AGFG1: variants seen among roughly 807,000 people sequenced by gnomAD.
AGFG1 encodes the protein ArfGAP with FG repeats 1.
Under a neutral mutation model 60.6 loss-of-function variants are expected in AGFG1, and 10 were observed. That is an observed-to-expected ratio of 0.16 (90% CI 0.10 to 0.28). The LOEUF (loss-of-function observed/expected upper bound fraction) is 0.28, where lower values mean the gene tolerates loss of function less well. Among genes scored for constraint, AGFG1 ranks in the 10% least tolerant of loss-of-function variants. The pLI, the probability that AGFG1 is intolerant of heterozygous loss-of-function variation, is 1.00. For missense variants in AGFG1, 537 were observed against 676.5 expected (o/e 0.79, Z 2.29); for synonymous variants, 247 against 242.9 (o/e 1.02, Z -0.16).
chr2:227,536,588 A>G, intron 8 of AGFG1, 37 bp from the exon 9 acceptor site: 1 of 1,550,154 alleles, frequency 6.5e-7, no homozygotes, highest in Non-Finnish European at 8.8e-7. Flanking sequence ...TTTTTTTTTT[A>G]AGAAAAAAAA....
At chr2:227,549,706 C>G (rs780929714) in intron 10 of AGFG1, among the ~76,000 whole-genome samples, 2 of 152,114 alleles carry the variant, frequency 1.3e-5, no homozygotes, top group Non-Finnish European at 2.9e-5. Context: ...CTCATATGAT[C>G]CTATGAATAG....
At chr2:227,524,041 C>T (rs1364036092) in intron 4 of AGFG1, 116 bp downstream of exon 4, 3 of 1,039,862 alleles carry the variant, frequency 2.9e-6, no homozygotes, top group Non-Finnish European at 4.2e-6. Context: ...CATTATGTTC[C>T]AATGGTTTGT....
chr2:227,474,708 A>G (rs1346254568), intron 1 of AGFG1, among the ~76,000 whole-genome samples: 1 of 152,234 alleles, frequency 6.6e-6, no homozygotes, highest in Non-Finnish European at 1.5e-5. Flanking sequence ...TATGTAAATG[A>G]TACAGCTTCT....
chr2:227,490,577 CAA>C (rs11448281), intron 1 of AGFG1, among the ~76,000 whole-genome samples: 14 of 129,980 alleles, frequency 1.1e-4, no homozygotes, highest in Non-Finnish European at 1.1e-4. Context: ...GACTCCGTCT[CAA>C]AAAAAAAAAA....
chr2:227,508,369 T>G, intron 2 of AGFG1: 1 of 252,132 alleles, frequency 4.0e-6, no homozygotes, highest in Non-Finnish European at 8.0e-6. Context: ...CACAAACAAT[T>G]CTTACTTCAT....
At chr2:227,502,473 A>G (rs1403253837) in intron 2 of AGFG1, among the ~76,000 whole-genome samples, 1 of 152,040 alleles carries the variant, frequency 6.6e-6, no homozygotes, top group East Asian at 1.9e-4. Flanking sequence ...AGCGCACACC[A>G]CCAGTCCCAG....
chr2:227,511,861 A>C (rs1220448113), intron 2 of AGFG1, among the ~76,000 whole-genome samples: 2 of 152,130 alleles, frequency 1.3e-5, no homozygotes, highest in Non-Finnish European at 2.9e-5. Context: ...GATTTGGTAG[A>C]GGGATTATTG....
chr2:227,553,278 A>T (rs533651294), intron 11 of AGFG1, among the ~76,000 whole-genome samples: 2 of 152,264 alleles, frequency 1.3e-5, no homozygotes, highest in African/African-American at 4.8e-5. Context: ...CAGGTGGATC[A>T]GTCGAGTCCA....
At chr2:227,497,208 TC>T (rs1259896741) in intron 2 of AGFG1, among the ~76,000 whole-genome samples, 1 of 133,248 alleles carries the variant, frequency 7.5e-6, no homozygotes, top group Admixed American at 8.5e-5. Flanking sequence ...GTAAAAACCA[TC>T]TTTAGATTAA....
chr2:227,521,156 C>G (rs1416516862), intron 3 of AGFG1, among the ~76,000 whole-genome samples: 1 of 152,090 alleles, frequency 6.6e-6, no homozygotes, highest in Non-Finnish European at 1.5e-5. Context: ...ACCCCCGCCT[C>G]CTGGGTTCAA....
At chr2:227,487,195 C>G (rs2106163637) in intron 1 of AGFG1, among the ~76,000 whole-genome samples, 1 of 152,154 alleles carries the variant, frequency 6.6e-6, no homozygotes, top group East Asian at 1.9e-4. Flanking sequence ...GACTAAAAAT[C>G]TAAATTTTTG....
intron 10 of AGFG1, among the ~76,000 whole-genome samples, chr2:227,542,773 A>C (rs1308941332): frequency 1.3e-5 from 2 of 152,188 alleles, no homozygotes; most frequent in Non-Finnish European, 2.9e-5. Flanking sequence ...TTTGGCTGTC[A>C]ATCTGTCTGG....
At chr2:227,495,944 A>AAT (rs1408686038) in intron 2 of AGFG1, among the ~76,000 whole-genome samples, 36 of 150,804 alleles carry the variant, frequency 2.4e-4, no homozygotes, top group African/African-American at 6.6e-4. Flanking sequence ...CTCTACTAAA[A>AAT]ATATATATAT....
intron 1 of AGFG1, among the ~76,000 whole-genome samples, chr2:227,479,423 TA>T (rs1257609550): frequency 6.6e-6 from 1 of 152,238 alleles, no homozygotes; most frequent in Non-Finnish European, 1.5e-5. Flanking sequence ...TAGTGCATTA[TA>T]AATGAAAAGA....
intron 2 of AGFG1, among the ~76,000 whole-genome samples, chr2:227,500,095 T>A (rs548428063): frequency 6.6e-6 from 1 of 152,326 alleles, no homozygotes; most frequent in South Asian, 2.1e-4. Context: ...GGGTACGTTA[T>A]GAGCTGGTAA....
Position 227,533,739 on chromosome 2 carries a change from T to C in AGFG1, c.1005T>C (p.Asn335=), listed in dbSNP as rs750001164. ...DKYAALANLD[N]IFSAGQGGDQ... is the part of the protein sequence containing the mutation. Reference sequence around the variant, plus strand: ...ATGCAGCACTTGCTAATTTAGACAATATCTTCAGTGCCGGGCAAGGTATCA... The same window carrying C: ...ATGCAGCACTTGCTAATTTAGACAACATCTTCAGTGCCGGGCAAGGTATCA... The change falls in exon 7 of 13, where the codon AAT becomes AAC. Residue 335 remains asparagine (N), a synonymous_variant. Transcript: ENST00000310078. 12 of 1,613,494 alleles carry C rather than the reference T, an allele frequency of 7.4e-6. No homozygotes were observed. Among genetic ancestry groups the C allele is most frequent in the Non-Finnish European group, 1.0e-5 (12 of 1,179,702 alleles).
intron 2 of AGFG1, among the ~76,000 whole-genome samples, chr2:227,498,103 A>G (rs1024208965): frequency 6.6e-6 from 1 of 152,162 alleles, no homozygotes; most frequent in African/African-American, 2.4e-5. Flanking sequence ...TTGATGTATT[A>G]TATAGATGTA....
chr2:227,539,746 CAAAAAAAA>C (rs71039604), intron 10 of AGFG1, among the ~76,000 whole-genome samples: 1 of 65,562 alleles, frequency 1.5e-5, no homozygotes. Context: ...CTCTAGCTCA[CAAAAAAAA>C]AAAAAAAAAA....
chr2:227,508,899 C>T (rs12466158), intron 2 of AGFG1, among the ~76,000 whole-genome samples: 23,412 of 151,926 alleles, frequency 0.15, 1,924 homozygotes, highest in Middle Eastern at 0.2. Context: ...TGTGGATGAT[C>T]TTGTAAAACA....
Sources: gnomAD v4.1 joint callset for allele counts (sites outside exome capture counted in the v4.1 genomes callset) on GRCh38, gnomAD v4.1.1 for gene constraint, MANE v1.5 for transcripts, NCBI Gene and HGNC (gene_info 2026-07-23, HGNC 2026-07-21) for gene names.